Variants in FBXL20 observed in about 807,000 individuals in gnomAD.
FBXL20 encodes F-box and leucine rich repeat protein 20.
A neutral mutation model predicts 64.0 loss-of-function variants in FBXL20; 11 were observed. That is an observed-to-expected ratio of 0.17 (90% confidence interval 0.11 to 0.28). FBXL20 has a LOEUF of 0.28. FBXL20 is among the 10% of genes least tolerant of loss of function. The pLI, the probability that FBXL20 is intolerant of heterozygous loss-of-function variation, is 1.00. For missense variants in FBXL20, 303 were observed against 526.2 expected, an observed-to-expected ratio of 0.58 and a Z score of 4.15; for synonymous variants, 184 against 189.0, an observed-to-expected ratio of 0.97 and a Z score of 0.22.
chr17:39,320,449 C>A (rs150048491), intron 2 of FBXL20, among the ~76,000 whole-genome samples: 1 of 152,050 alleles, frequency 6.6e-6, no homozygotes, highest in Non-Finnish European at 1.5e-5. Flanking sequence ...CCTCACAGCA[C>A]GGTTTACCAA....
chr17:39,398,836 G>A (rs559616503), intron 1 of FBXL20, among the ~76,000 whole-genome samples: 2 of 152,062 alleles, frequency 1.3e-5, no homozygotes, highest in East Asian at 1.9e-4. Flanking sequence ...TACCACGCCC[G>A]GCTAATTTTT....
chr17:39,299,121 C>T lies in FBXL20; in HGVS notation c.235-37G>A, dbSNP rs768470844. On this transcript the variant is annotated intron_variant, in intron 4 of 14. Coordinates refer to ENST00000264658, the MANE Select transcript of FBXL20 (RefSeq NM_032875.3). Reference sequence around the variant, plus strand: ...GACAGGCAAACAAAAAGATAACCCACCTCATTACTTTAGAAAAGAACACAT... The same window carrying T: ...GACAGGCAAACAAAAAGATAACCCATCTCATTACTTTAGAAAAGAACACAT... 7 of 1,399,636 alleles carry T rather than the reference C, an allele frequency of 5.0e-6. No homozygotes were observed. In the Admixed American group the frequency reaches 1.1e-4, roughly 23 times the overall value. 86.7% of individuals were successfully genotyped at this position (1,399,636 alleles called of 1,614,324 possible).
chr17:39,270,562 T>G (rs140144930), intron 11 of FBXL20, among the ~76,000 whole-genome samples: 105 of 151,928 alleles, frequency 6.9e-4, no homozygotes, highest in African/African-American at 2.4e-3. Context: ...TTAAAAAAAA[T>G]TGTTTAAAAA....
intron 2 of FBXL20, among the ~76,000 whole-genome samples, chr17:39,308,094 CTGGG>C: frequency 6.6e-6 from 1 of 151,156 alleles, no homozygotes; most frequent in East Asian, 1.9e-4. Flanking sequence ...TCCTAGCACT[CTGGG>C]AGGCCAAGGC....
chr17:39,305,529 G>C (rs1277483874), intron 2 of FBXL20, among the ~76,000 whole-genome samples: 2 of 151,974 alleles, frequency 1.3e-5, no homozygotes, highest in Non-Finnish European at 2.9e-5. Flanking sequence ...ACACAGTGAG[G>C]CTCCCTATTT....
chr17:39,277,941 T>A (rs2046913682), intron 9 of FBXL20, among the ~76,000 whole-genome samples: 1 of 152,088 alleles, frequency 6.6e-6, no homozygotes, highest in Admixed American at 6.5e-5. Context: ...TACTAAGATT[T>A]GGGTGAAGGA....
At chr17:39,280,012 C>T (rs1204221135) in intron 9 of FBXL20, among the ~76,000 whole-genome samples, 1 of 151,986 alleles carries the variant, frequency 6.6e-6, no homozygotes, top group Non-Finnish European at 1.5e-5. Flanking sequence ...AAAAACCCAT[C>T]TCTACTAAAA....
intron 2 of FBXL20, among the ~76,000 whole-genome samples, chr17:39,314,724 G>A (rs1287498546): frequency 3.3e-5 from 5 of 151,398 alleles, no homozygotes; most frequent in African/African-American, 1.2e-4. Context: ...CACAGTGGCT[G>A]TACCAGTGTA....
chr17:39,270,996 C>CG, intron 10 of FBXL20, 140 bp from the exon 11 acceptor site: 5 of 683,170 alleles, frequency 7.3e-6, no homozygotes, highest in Non-Finnish European at 1.2e-5. Flanking sequence ...AACAACTAAG[C>CG]AAGTCTGTAT....
intron 11 of FBXL20, 131 bp downstream of exon 11, chr17:39,270,665 G>T: frequency 1.5e-6 from 1 of 685,580 alleles, no homozygotes; most frequent in Non-Finnish European, 2.5e-6. Context: ...TGTAGCTATA[G>T]CATGAAACCC....
chr17:39,335,312 C>T (rs915019570), intron 2 of FBXL20, among the ~76,000 whole-genome samples: 1 of 151,788 alleles, frequency 6.6e-6, no homozygotes, highest in African/African-American at 2.4e-5. Context: ...AGGCTCAGTC[C>T]TTTGGATGTT....
At chr17:39,300,935 G>A (rs1597784700) in intron 4 of FBXL20, 66 bp downstream of exon 4, 14 of 1,437,036 alleles carry the variant, frequency 9.7e-6, no homozygotes, top group Admixed American at 1.8e-5. Context: ...AATATGGCTA[G>A]GGCTAATCTG....
At chr17:39,301,843 T>G (rs2047138974) in intron 3 of FBXL20, among the ~76,000 whole-genome samples, 1 of 151,940 alleles carries the variant, frequency 6.6e-6, no homozygotes, top group Non-Finnish European at 1.5e-5. Flanking sequence ...TGAGCCATGA[T>G]CTCACCATTG....
chr17:39,271,895 T>C (rs1415714121), intron 10 of FBXL20, among the ~76,000 whole-genome samples: 4 of 152,156 alleles, frequency 2.6e-5, no homozygotes, highest in Non-Finnish European at 5.9e-5. Context: ...AAATTCTTAC[T>C]ACTGAAGTTG....
At chr17:39,377,891 T>TGAC (rs1204810866) in intron 1 of FBXL20, among the ~76,000 whole-genome samples, 2 of 152,144 alleles carry the variant, frequency 1.3e-5, no homozygotes, top group Non-Finnish European at 2.9e-5. Context: ...CACATGCCTG[T>TGAC]AGTCCTAGCT....
chr17:39,358,910 T>A (rs2047767521), intron 1 of FBXL20, among the ~76,000 whole-genome samples: 1 of 151,940 alleles, frequency 6.6e-6, no homozygotes, highest in Admixed American at 6.6e-5. Flanking sequence ...TATTCAGACG[T>A]TTCACCAAAG....
At chr17:39,396,596 CAA>C (rs35394824) in intron 1 of FBXL20, among the ~76,000 whole-genome samples, 20 of 103,134 alleles carry the variant, frequency 1.9e-4, no homozygotes, top group Admixed American at 3.1e-4. Flanking sequence ...AACTCCGTCT[CAA>C]AAAAAAAAAA....
At chr17:39,398,474 T>A (rs2048208854) in intron 1 of FBXL20, among the ~76,000 whole-genome samples, 2 of 152,248 alleles carry the variant, frequency 1.3e-5, no homozygotes, top group Non-Finnish European at 2.9e-5. Flanking sequence ...TTTTAATTGA[T>A]TAACACAATT....
chr17:39,324,821 T>A (rs2047395300), intron 2 of FBXL20, among the ~76,000 whole-genome samples: 1 of 152,202 alleles, frequency 6.6e-6, no homozygotes, highest in East Asian at 1.9e-4. Flanking sequence ...CAGATGAAGA[T>A]GAAATCTCTT....
Sources: allele counts gnomAD v4.1 joint callset (sites outside exome capture counted in the v4.1 genomes callset), GRCh38; gene constraint gnomAD v4.1.1; transcripts MANE v1.5; gene names NCBI Gene and HGNC (gene_info 2026-07-23, HGNC 2026-07-21).